NELL1: variants seen among roughly 807,000 people sequenced by gnomAD.
The protein encoded by NELL1 is neural EGFL like 1.
In NELL1, 76 loss-of-function variants were observed where a neutral mutation model predicts 107.4. The observed-to-expected ratio is 0.71, with a 90% CI of 0.59 to 0.86. The LOEUF (loss-of-function observed/expected upper bound fraction) is 0.86, where lower values mean the gene tolerates loss of function less well. Among genes scored for constraint, NELL1 ranks in the 40% least tolerant of loss-of-function variants. NELL1 has a pLI of 0.00. For synonymous variants in NELL1, 353 were observed against 341.2 expected (o/e 1.03, Z -0.38); for missense variants, 1,024 against 1,005.5 (o/e 1.02, Z -0.25).
At chr11:21,512,923 G>A (rs1375262233) in intron 15 of NELL1, among the ~76,000 whole-genome samples, 1 of 152,148 alleles carries the variant, frequency 6.6e-6, no homozygotes, top group Non-Finnish European at 1.5e-5. Context: ...GGTAGCTAAT[G>A]CTCAGCAGAT....
chr11:20,896,098 C>A (rs1279677603), intron 5 of NELL1, among the ~76,000 whole-genome samples: 2 of 152,062 alleles, frequency 1.3e-5, no homozygotes, highest in East Asian at 3.9e-4. Flanking sequence ...GAGTGGTGTA[C>A]ACAGTACCCA....
At chr11:21,305,908 TG>T (rs1253717676) in intron 14 of NELL1, among the ~76,000 whole-genome samples, 3 of 152,020 alleles carry the variant, frequency 2.0e-5, no homozygotes, top group Non-Finnish European at 4.4e-5. Context: ...CTGCACTGTT[TG>T]TTTTTTCTCT....
At chr11:21,175,077 A>G (rs1856684351) in intron 13 of NELL1, among the ~76,000 whole-genome samples, 1 of 151,826 alleles carries the variant, frequency 6.6e-6, no homozygotes, top group Admixed American at 6.6e-5. Context: ...ACTCCAGGCT[A>G]AAATATGAGA....
chr11:21,194,385 T>C (rs1857108883), intron 13 of NELL1, among the ~76,000 whole-genome samples: 1 of 152,196 alleles, frequency 6.6e-6, no homozygotes. Flanking sequence ...AGGACCGGGT[T>C]GCTCAGTGGT....
intron 4 of NELL1, among the ~76,000 whole-genome samples, chr11:20,853,552 C>T (rs926469019): frequency 2.0e-5 from 3 of 152,074 alleles, no homozygotes; most frequent in African/African-American, 7.2e-5. Flanking sequence ...GGGTATAGGC[C>T]AAATCCTCTG....
chr11:21,569,222 A>C (rs965207700), intron 17 of NELL1, among the ~76,000 whole-genome samples: 1 of 150,578 alleles, frequency 6.6e-6, no homozygotes, highest in Non-Finnish European at 1.5e-5. Flanking sequence ...TTGAAAAAAA[A>C]GCCTGCATTA....
intron 14 of NELL1, among the ~76,000 whole-genome samples, chr11:21,349,549 A>G (rs1473694087): frequency 6.6e-6 from 1 of 152,108 alleles, no homozygotes; most frequent in East Asian, 1.9e-4. Context: ...AAATGCCTTT[A>G]TTTTGAAAAA....
chr11:21,056,896 T>C (rs1853627541), intron 12 of NELL1, among the ~76,000 whole-genome samples: 1 of 152,076 alleles, frequency 6.6e-6, no homozygotes, highest in African/African-American at 2.4e-5. Flanking sequence ...GGCAGAAATA[T>C]GATTGAAAAC....
In NELL1 at chr11:20,919,281, C is replaced by A; in HGVS notation, c.706C>A (p.Leu236Met). 1.2e-6 allele frequency: 2 copies of A among 1,603,186 alleles called. No individual in the cohort carries two copies. The highest frequency in any genetic ancestry group is 1.7e-6 in the Non-Finnish European group (2 of 1,173,712). ...TCPTCSDFLSLVQGIMDLQEL... is the reference protein window; with the variant it reads ...TCPTCSDFLSMVQGIMDLQEL... ...CCCAACCTGCAGTGATTTCTTAAGCCTGGTGCAAGGAATAATGGATTTACA... is the reference window on the plus strand; with the variant it reads ...CCCAACCTGCAGTGATTTCTTAAGCATGGTGCAAGGAATAATGGATTTACA... The change falls in exon 7 of 20, where the codon CTG (leucine) becomes ATG (methionine). Residue 236 changes from leucine to methionine, a missense_variant. Transcript: ENST00000357134.
At chr11:21,337,837 TTTTCTTTCTTTC>T (rs1555006223) in intron 14 of NELL1, among the ~76,000 whole-genome samples, 14 of 86,652 alleles carry the variant, frequency 1.6e-4, no homozygotes, top group East Asian at 4.3e-4. Context: ...TCTTTCTTTC[TTTTCTTTCTTTC>T]TTTCTTTCTT....
At chr11:21,534,352 C>A (rs776747337) in intron 15 of NELL1, 22 bp from the exon 16 acceptor site, 1 of 1,613,414 alleles carries the variant, frequency 6.2e-7, no homozygotes, top group Admixed American at 1.7e-5. Flanking sequence ...TCCTGGTGGG[C>A]TTGTGTTTTT....
At chr11:21,080,437 A>G (rs1455798250) in intron 12 of NELL1, among the ~76,000 whole-genome samples, 1 of 152,092 alleles carries the variant, frequency 6.6e-6, no homozygotes, top group African/African-American at 2.4e-5. Flanking sequence ...AACTAGAGGC[A>G]TATTATATAT....
intron 2 of NELL1, among the ~76,000 whole-genome samples, chr11:20,697,195 A>G (rs747473429): frequency 6.6e-6 from 1 of 152,148 alleles, no homozygotes; most frequent in African/African-American, 2.4e-5. Context: ...TCTAAACACC[A>G]GCATTAGATT....
intron 13 of NELL1, among the ~76,000 whole-genome samples, chr11:21,192,758 T>C (rs1006809028): frequency 2.0e-5 from 3 of 151,794 alleles, no homozygotes; most frequent in Non-Finnish European, 2.9e-5. Context: ...AACAGAATGC[T>C]AAAGGAAGGA....
intron 12 of NELL1, among the ~76,000 whole-genome samples, chr11:21,066,148 T>C (rs542073890): frequency 6.6e-6 from 1 of 152,314 alleles, no homozygotes; most frequent in East Asian, 1.9e-4. Flanking sequence ...GATGGATATT[T>C]GAGTGATGAA....
chr11:21,202,837 T>C (rs1036980144), intron 13 of NELL1, among the ~76,000 whole-genome samples: 4 of 152,148 alleles, frequency 2.6e-5, no homozygotes, highest in Non-Finnish European at 5.9e-5. Flanking sequence ...TTTGTTCTTA[T>C]TGGTTTCAAA....
chr11:21,409,948 A>G (rs1489080805), intron 15 of NELL1, among the ~76,000 whole-genome samples: 2 of 152,086 alleles, frequency 1.3e-5, no homozygotes, highest in Non-Finnish European at 2.9e-5. Context: ...AAACAATACA[A>G]AAATGAGTTT....
intron 11 of NELL1, 60 bp downstream of exon 11, chr11:20,947,495 A>G: frequency 2.4e-6 from 3 of 1,226,624 alleles, no homozygotes; most frequent in Non-Finnish European, 1.2e-6. Flanking sequence ...CTTCTGGGGC[A>G]TGAGATTTTA....
At chr11:21,034,719 T>C (rs888415287) in intron 12 of NELL1, among the ~76,000 whole-genome samples, 4 of 152,064 alleles carry the variant, frequency 2.6e-5, no homozygotes, top group African/African-American at 9.7e-5. Flanking sequence ...GGATACAACA[T>C]ACTAGAATCT....
Sources: gnomAD v4.1 joint callset for allele counts (sites outside exome capture counted in the v4.1 genomes callset) on GRCh38, gnomAD v4.1.1 for gene constraint, MANE v1.5 for transcripts, NCBI Gene and HGNC (gene_info 2026-07-23, HGNC 2026-07-21) for gene names.